SGCZ: variants seen among roughly 807,000 people sequenced by gnomAD.
SGCZ encodes sarcoglycan zeta.
SGCZ carries 40 observed loss-of-function variants against 41.3 expected under a neutral mutation model. The ratio of observed to expected loss-of-function variants is 0.97; its 90% CI spans 0.75 to 1.26. SGCZ has a LOEUF of 1.26. Among genes scored for constraint, SGCZ ranks in the 50% most tolerant of loss-of-function variants. The pLI is 0.00. For synonymous variants in SGCZ, 206 were observed against 137.5 expected (o/e 1.50, Z -3.49); for missense variants, 552 against 369.8 (o/e 1.49, Z -4.04).
intron 1 of SGCZ, among the ~76,000 whole-genome samples, chr8:14,896,959 A>G (rs559905160): frequency 3.3e-5 from 5 of 150,322 alleles, no homozygotes; most frequent in African/African-American, 7.4e-5. Context: ...TTTTTTTGGT[A>G]TTTTTAGTAG....
intron 1 of SGCZ, among the ~76,000 whole-genome samples, chr8:14,599,742 T>A (rs534466909): frequency 6.6e-6 from 1 of 152,250 alleles, no homozygotes; most frequent in South Asian, 2.1e-4. Context: ...TCTTTCTTTT[T>A]ACTAAAGCTC....
Position 14,088,375 on chromosome 8 carries a change from C to CTAAT in SGCZ, c.*2064_*2067dup, listed in dbSNP as rs1436389304. On this transcript the variant is annotated 3_prime_UTR_variant, in exon 8 of 8. Transcript: ENST00000382080. Reference sequence around the variant, plus strand: ...TATTCCCATTTGACTTAGAAAGTTTCTAATTGTTTTAATGGAAGGATGATT... The same window carrying CTAAT: ...TATTCCCATTTGACTTAGAAAGTTTCTAATTAATTGTTTTAATGGAAGGATGATT... Among the ~76,000 whole-genome samples the CTAAT allele has an allele frequency of 1.3e-5, 2 of 151,730 alleles. No homozygotes were observed. The highest frequency in any genetic ancestry group is 2.9e-5 in the Non-Finnish European group (2 of 67,814).
chr8:14,862,452 C>A (rs1424934940), intron 1 of SGCZ, among the ~76,000 whole-genome samples: 1 of 147,910 alleles, frequency 6.8e-6, no homozygotes, highest in African/African-American at 2.5e-5. Flanking sequence ...AATTATTTGA[C>A]AAAATAGAAT....
intron 1 of SGCZ, among the ~76,000 whole-genome samples, chr8:15,093,983 A>T (rs1228370756): frequency 1.3e-5 from 2 of 152,198 alleles, no homozygotes; most frequent in African/African-American, 4.8e-5. Flanking sequence ...CCTCATTCTC[A>T]TGAACAATAC....
intron 1 of SGCZ, among the ~76,000 whole-genome samples, chr8:15,162,623 CTG>C (rs1799543571): frequency 6.6e-6 from 1 of 152,180 alleles, no homozygotes; most frequent in Admixed American, 6.5e-5. Flanking sequence ...CAGTCTAAAA[CTG>C]TGTTTCACTT....
At chr8:15,066,212 G>A (rs1328566459) in intron 1 of SGCZ, among the ~76,000 whole-genome samples, 1 of 151,674 alleles carries the variant, frequency 6.6e-6, no homozygotes, top group Non-Finnish European at 1.5e-5. Flanking sequence ...GGAGGCTGAG[G>A]CAGGAGAATG....
intron 1 of SGCZ, among the ~76,000 whole-genome samples, chr8:14,622,320 G>C (rs996419549): frequency 1.3e-5 from 2 of 152,082 alleles, no homozygotes; most frequent in Admixed American, 6.6e-5. Context: ...GCCACAACAT[G>C]GGAGCCTTCT....
intron 4 of SGCZ, among the ~76,000 whole-genome samples, chr8:14,195,479 G>T (rs905286936): frequency 6.6e-6 from 1 of 151,984 alleles, no homozygotes; most frequent in East Asian, 1.9e-4. Flanking sequence ...GGGATCAGAA[G>T]ACAGAAAAAA....
chr8:15,169,575 C>G (rs1282196126), intron 1 of SGCZ, among the ~76,000 whole-genome samples: 1 of 151,762 alleles, frequency 6.6e-6, no homozygotes, highest in Non-Finnish European at 1.5e-5. Context: ...AAAAGTCCTG[C>G]AACACTGTAA....
rs114335249 is a variant in SGCZ at position 14,627,984 on chromosome 8, G to A, written c.40-73058C>T. On this transcript the variant is annotated intron_variant, in intron 1 of 7. Transcript: ENST00000382080. ...AGGATGTGAAGAATCTTTGATATTA[G>A]ACCCACACATCACTATGTCCCAGTT... 8.6e-3 allele frequency among the ~76,000 whole-genome samples: 1,303 copies of A among 152,062 alleles called. 18 individuals carry two copies. Among genetic ancestry groups the A allele is most frequent in the African/African-American group, 0.03 (1,233 of 41,488 alleles).
intron 3 of SGCZ, among the ~76,000 whole-genome samples, chr8:14,267,927 C>G (rs1236582431): frequency 2.0e-5 from 3 of 151,840 alleles, no homozygotes; most frequent in Non-Finnish European, 4.4e-5. Context: ...TCTCTTACAT[C>G]AGTTGCTAGA....
At chr8:14,313,811 T>C (rs1801623897) in intron 3 of SGCZ, among the ~76,000 whole-genome samples, 1 of 152,198 alleles carries the variant, frequency 6.6e-6, no homozygotes, top group South Asian at 2.1e-4. Flanking sequence ...AGAATAGCAA[T>C]CTGAGCTGAT....
chr8:14,968,272 G>C (rs576262381), intron 1 of SGCZ, among the ~76,000 whole-genome samples: 1 of 152,162 alleles, frequency 6.6e-6, no homozygotes, highest in Admixed American at 6.5e-5. Context: ...TTTCTATTAA[G>C]ATTTTTGTGG....
intron 3 of SGCZ, among the ~76,000 whole-genome samples, chr8:14,282,443 C>G (rs968583357): frequency 6.6e-6 from 1 of 152,136 alleles, no homozygotes; most frequent in African/African-American, 2.4e-5. Flanking sequence ...TCCCACTGTG[C>G]CTCCTATTCA....
At chr8:14,369,123 C>G (rs997448793) in intron 2 of SGCZ, among the ~76,000 whole-genome samples, 4 of 151,340 alleles carry the variant, frequency 2.6e-5, no homozygotes, top group Non-Finnish European at 4.4e-5. Flanking sequence ...GAAATTAACA[C>G]CTATAGTGAT....
intron 2 of SGCZ, among the ~76,000 whole-genome samples, chr8:14,550,870 G>T (rs73533143): frequency 1.3e-5 from 2 of 151,666 alleles, no homozygotes; most frequent in African/African-American, 2.4e-5. Context: ...ACAGATAGTT[G>T]TTCTAAAATT....
chr8:14,781,520 C>T (rs994816018), intron 1 of SGCZ, among the ~76,000 whole-genome samples: 31 of 152,162 alleles, frequency 2.0e-4, no homozygotes, highest in African/African-American at 6.5e-4. Flanking sequence ...TGAGCCACCA[C>T]GCCCAGACTA....
At chr8:14,252,910 T>C (rs760940630) in intron 3 of SGCZ, among the ~76,000 whole-genome samples, 14 of 152,202 alleles carry the variant, frequency 9.2e-5, no homozygotes, top group Non-Finnish European at 1.9e-4. Flanking sequence ...TTTGCAAATT[T>C]AGAAATTCAA....
At chr8:14,551,571 T>TATATATTATATATATA (rs1803855726) in intron 2 of SGCZ, among the ~76,000 whole-genome samples, 2 of 16,132 alleles carry the variant, frequency 1.2e-4, no homozygotes, top group African/African-American at 7.5e-4. Context: ...ATATATATAA[T>TATATATTATATATATA]ATATATATAA....
Sources: allele counts gnomAD v4.1 joint callset (sites outside exome capture counted in the v4.1 genomes callset), GRCh38; gene constraint gnomAD v4.1.1; transcripts MANE v1.5; gene names NCBI Gene and HGNC (gene_info 2026-07-23, HGNC 2026-07-21).